The following HDAC9 variants were observed in gnomAD, a reference collection of about 807,000 sequenced individuals.
HDAC9 encodes the protein MEF-2 interacting transcription repressor (MITR) protein.
A neutral mutation model predicts 139.4 loss-of-function variants in HDAC9; 41 were observed. The observed-to-expected ratio is 0.29, with a 90% CI of 0.23 to 0.38. The LOEUF (loss-of-function observed/expected upper bound fraction) is 0.38. HDAC9 is among the 10% of genes least tolerant of loss of function. HDAC9 has a pLI of 1.00. For synonymous variants in HDAC9, 517 were observed against 476.2 expected, an observed-to-expected ratio of 1.09 and a Z score of -1.12; for missense variants, 1,147 against 1,297.0, an observed-to-expected ratio of 0.88 and a Z score of 1.78.
chr7:18,539,415 C>A (rs780338719), intron 2 of HDAC9, among the ~76,000 whole-genome samples: 3 of 152,192 alleles, frequency 2.0e-5, no homozygotes, highest in Admixed American at 6.5e-5. Context: ...TCAGAGGAGA[C>A]AGCAAGTAAA....
chr7:18,630,455 G>A (rs1403262657), intron 7 of HDAC9, among the ~76,000 whole-genome samples: 1 of 152,158 alleles, frequency 6.6e-6, no homozygotes, highest in East Asian at 1.9e-4. Context: ...CAATATAGAG[G>A]AAGACTGTGG....
intron 1 of HDAC9, among the ~76,000 whole-genome samples, chr7:18,369,650 T>C (rs144336781): frequency 9.0e-4 from 137 of 152,234 alleles, no homozygotes; most frequent in African/African-American, 2.8e-3. Flanking sequence ...CTGTGGACTT[T>C]GCAGTACAGG....
intron 13 of HDAC9, among the ~76,000 whole-genome samples, chr7:18,734,300 C>T (rs1255045947): frequency 3.9e-5 from 6 of 152,080 alleles, no homozygotes; most frequent in Admixed American, 1.3e-4. Flanking sequence ...TACATAGGTA[C>T]ACATGTGCCA....
chr7:18,908,055 A>G (rs1017450269), intron 22 of HDAC9, among the ~76,000 whole-genome samples: 4 of 152,132 alleles, frequency 2.6e-5, no homozygotes, highest in Non-Finnish European at 5.9e-5. Context: ...AACACTTTAT[A>G]TGGACCATTT....
At chr7:18,382,853 A>G (rs1785560943) in intron 1 of HDAC9, among the ~76,000 whole-genome samples, 1 of 152,256 alleles carries the variant, frequency 6.6e-6, no homozygotes, top group Non-Finnish European at 1.5e-5. Flanking sequence ...AAGGAAGTAT[A>G]GAACATGAAA....
At chr7:18,596,370 A>G (rs1267638589) in intron 6 of HDAC9, among the ~76,000 whole-genome samples, 1 of 152,140 alleles carries the variant, frequency 6.6e-6, no homozygotes, top group Non-Finnish European at 1.5e-5. Flanking sequence ...TTCATTAATT[A>G]CAAAATAGGT....
At chr7:18,983,550 A>C (rs1185847527) in intron 25 of HDAC9, among the ~76,000 whole-genome samples, 3 of 152,128 alleles carry the variant, frequency 2.0e-5, no homozygotes, top group African/African-American at 7.2e-5. Context: ...TTTTCATACA[A>C]GTTTTCTTTT....
intron 16 of HDAC9, among the ~76,000 whole-genome samples, chr7:18,788,928 A>T (rs969867173): frequency 2.6e-5 from 4 of 151,948 alleles, no homozygotes; most frequent in Non-Finnish European, 2.9e-5. Context: ...ACCAGAAGAG[A>T]TGGATTTTAG....
intron 1 of HDAC9, among the ~76,000 whole-genome samples, chr7:18,096,794 C>A (rs1782531977): frequency 6.6e-6 from 1 of 152,052 alleles, no homozygotes; most frequent in African/African-American, 2.4e-5. Context: ...TTGTTTTAAT[C>A]TGTGGTCTCT....
intron 22 of HDAC9, among the ~76,000 whole-genome samples, chr7:18,921,013 G>A (rs1266238379): frequency 1.3e-5 from 2 of 152,070 alleles, no homozygotes; most frequent in Non-Finnish European, 2.9e-5. Context: ...ATGGTGCTGG[G>A]AAAACTGGCT....
intron 21 of HDAC9, among the ~76,000 whole-genome samples, chr7:18,855,106 T>C (rs1378212997): frequency 6.6e-6 from 1 of 152,186 alleles, no homozygotes; most frequent in East Asian, 1.9e-4. Flanking sequence ...CACTGCACTC[T>C]ACTCTCCAGA....
At chr7:18,356,119 A>G (rs1783244974) in intron 1 of HDAC9, among the ~76,000 whole-genome samples, 2 of 151,756 alleles carry the variant, frequency 1.3e-5, no homozygotes, top group South Asian at 2.1e-4. Flanking sequence ...TAAAAAAACT[A>G]AAAAAGAAAA....
chr7:18,685,719 G>T (rs1326742432), intron 12 of HDAC9, among the ~76,000 whole-genome samples: 1 of 151,946 alleles, frequency 6.6e-6, no homozygotes, highest in African/African-American at 2.4e-5. Flanking sequence ...CCTAAGGGGG[G>T]TGGGGTGAGA....
chr7:18,201,763 A>G (rs1031205305), intron 2 of HDAC9, among the ~76,000 whole-genome samples: 6 of 152,176 alleles, frequency 3.9e-5, no homozygotes, highest in Admixed American at 3.9e-4. Flanking sequence ...GGTATTCTGA[A>G]ACCAATATTA....
At chr7:18,643,214 C>G (rs1444546436) in intron 8 of HDAC9, among the ~76,000 whole-genome samples, 1 of 152,090 alleles carries the variant, frequency 6.6e-6, no homozygotes, top group African/African-American at 2.4e-5. Flanking sequence ...AAGTATGCAA[C>G]TCTGTCTGAT....
intron 2 of HDAC9, among the ~76,000 whole-genome samples, chr7:18,541,319 C>CACA (rs1812866706): frequency 6.6e-6 from 1 of 151,852 alleles, no homozygotes; most frequent in African/African-American, 2.4e-5. Context: ...ACCTTGGCAG[C>CACA]CCGGTGTGCC....
intron 15 of HDAC9, among the ~76,000 whole-genome samples, chr7:18,766,841 T>A (rs1248247565): frequency 1.3e-5 from 2 of 152,166 alleles, no homozygotes; most frequent in African/African-American, 2.4e-5. Context: ...CTCATGAGCA[T>A]GTGTTTATTC....
chr7:18,762,340 G>A (rs942741397), intron 15 of HDAC9, 63 bp downstream of exon 15: 38 of 1,575,964 alleles, frequency 2.4e-5, no homozygotes, highest in Non-Finnish European at 2.6e-5. Context: ...AGTCAACGCT[G>A]GTGTCAGTTC....
intron 2 of HDAC9, among the ~76,000 whole-genome samples, chr7:18,544,388 C>T (rs1814052935): frequency 6.6e-6 from 1 of 152,188 alleles, no homozygotes; most frequent in Non-Finnish European, 1.5e-5. Context: ...AGAATGAAAA[C>T]ATGTTAATAG....
Sources: allele counts gnomAD v4.1 joint callset (sites outside exome capture counted in the v4.1 genomes callset), GRCh38; gene constraint gnomAD v4.1.1; transcripts MANE v1.5; gene names NCBI Gene and HGNC (gene_info 2026-07-23, HGNC 2026-07-21).